Variants in DACH2 observed in about 807,000 individuals in gnomAD.
DACH2 encodes dachshund homolog 2.
A neutral mutation model predicts 35.8 loss-of-function variants in DACH2; 17 were observed. The ratio of observed to expected loss-of-function variants is 0.48; its 90% CI spans 0.33 to 0.71. The LOEUF (loss-of-function observed/expected upper bound fraction) is 0.71, where lower values mean the gene tolerates loss of function less well. DACH2 is among the 30% of genes least tolerant of loss of function. DACH2 has a pLI of 0.02. For missense variants in DACH2, 469 were observed against 472.7 expected (o/e 0.99, Z 0.07); for synonymous variants, 195 against 177.3 (o/e 1.10, Z -0.79).
At chrX:86,433,797 G>T (rs191368143) in intron 2 of DACH2, among the ~76,000 whole-genome samples, 102 of 111,770 alleles carry the variant, frequency 9.1e-4, no homozygotes, top group African/African-American at 3.2e-3. Context: ...CATGTTGGCA[G>T]ATTATCAGGT....
intron 3 of DACH2, among the ~76,000 whole-genome samples, chrX:86,643,465 G>A (rs147577736): frequency 1.8e-5 from 2 of 108,915 alleles, no homozygotes; most frequent in African/African-American, 6.9e-5. Flanking sequence ...AATTGAATCA[G>A]TAATAAGCCT....
At chrX:86,416,453 C>T (rs938015694) in intron 2 of DACH2, among the ~76,000 whole-genome samples, 33 of 111,889 alleles carry the variant, frequency 2.9e-4, no homozygotes, top group African/African-American at 1.0e-3. Context: ...TGTGGGCACA[C>T]ACATTTATTA....
intron 11 of DACH2, among the ~76,000 whole-genome samples, chrX:86,825,364 C>G (rs1370993227): frequency 9.1e-6 from 1 of 110,278 alleles, no homozygotes; most frequent in Non-Finnish European, 1.9e-5. Flanking sequence ...CTGCAGTGAG[C>G]TGAGATCACA....
chrX:86,420,199 G>A (rs1465068032), intron 2 of DACH2, among the ~76,000 whole-genome samples: 5 of 111,934 alleles, frequency 4.5e-5, no homozygotes, highest in African/African-American at 1.6e-4. Context: ...GGGAAGGCAT[G>A]CTGGTGAAGG....
intron 1 of DACH2, among the ~76,000 whole-genome samples, chrX:86,365,367 T>C (rs1049964667): frequency 1.8e-5 from 2 of 110,001 alleles, no homozygotes; most frequent in African/African-American, 6.6e-5. Flanking sequence ...TGGTACACTT[T>C]TGAGACAACA....
At chrX:86,794,050 A>G (rs1176451313) in intron 7 of DACH2, among the ~76,000 whole-genome samples, 1 of 111,961 alleles carries the variant, frequency 8.9e-6, no homozygotes, top group Non-Finnish European at 1.9e-5. Context: ...AACAGGTGCT[A>G]TGGGAAGCCA....
rs1476452484 is a variant in DACH2, at chrX:86,682,400, T to G, written c.773-12621T>G. 8.1e-5 allele frequency among the ~76,000 whole-genome samples: 9 copies of G among 111,784 alleles called. No individual in the cohort carries two copies. The East Asian group carries it at 2.5e-3, about 31-fold the overall frequency. ...CGTGGGAAAATCAGTCTTTTGAGTT[T>G]CAGTTTTCTCTATAAAATGTGGCTG... On this transcript the variant is annotated intron_variant, in intron 4 of 11. Coordinates refer to ENST00000373125, the MANE Select transcript of DACH2 (RefSeq NM_053281.3).
At chrX:86,674,288 G>A (rs1017370263) in intron 4 of DACH2, among the ~76,000 whole-genome samples, 7 of 112,362 alleles carry the variant, frequency 6.2e-5, no homozygotes, top group East Asian at 2.8e-4. Flanking sequence ...ATTTGCCACC[G>A]TCTAGCCACA....
intron 3 of DACH2, among the ~76,000 whole-genome samples, chrX:86,629,862 G>A (rs1470247016): frequency 4.5e-5 from 5 of 111,127 alleles, no homozygotes; most frequent in Non-Finnish European, 7.5e-5. Flanking sequence ...GCAACAGAGC[G>A]AGACCCTGTC....
chrX:86,573,336 T>C (rs918099556), intron 3 of DACH2, among the ~76,000 whole-genome samples: 3 of 111,236 alleles, frequency 2.7e-5, no homozygotes, highest in Non-Finnish European at 5.7e-5. Context: ...GACCTGGATC[T>C]GACTCACTTC....
At chrX:86,492,731 C>T (rs371992703) in intron 2 of DACH2, among the ~76,000 whole-genome samples, 2 of 111,771 alleles carry the variant, frequency 1.8e-5, no homozygotes, top group East Asian at 5.6e-4. Flanking sequence ...TGTGTTAATT[C>T]ACTTAGGACA....
chrX:86,531,159 C>T (rs62594990), intron 3 of DACH2, among the ~76,000 whole-genome samples: 5,590 of 111,548 alleles, frequency 0.05, 120 homozygotes, highest in Middle Eastern at 0.11. Flanking sequence ...TGATTAAAAG[C>T]GAAGTAGAGC....
intron 3 of DACH2, among the ~76,000 whole-genome samples, chrX:86,537,441 C>A (rs760389465): frequency 4.5e-5 from 5 of 111,340 alleles, no homozygotes; most frequent in Non-Finnish European, 7.5e-5. Context: ...TGGCTTTGTT[C>A]TATTTATACT....
intron 11 of DACH2, among the ~76,000 whole-genome samples, chrX:86,821,495 T>C (rs1362012172): frequency 9.0e-6 from 1 of 111,385 alleles, no homozygotes; most frequent in Non-Finnish European, 1.9e-5. Flanking sequence ...CTGTACAGTT[T>C]ATTAAATGGC....
At position 86,821,433 on chromosome X, in the gene DACH2, C is replaced by T. The variant is rs150241716; in HGVS notation, c.1750+5334C>T. 4.7e-4 allele frequency among the ~76,000 whole-genome samples: 52 copies of T among 111,188 alleles called. 1 individual carries two copies. In the East Asian group the frequency reaches 0.014, roughly 30 times the overall value. On this transcript the variant is annotated intron_variant, in intron 11 of 11. Transcript: ENST00000373125. The stretch of plus-strand genomic sequence containing the variant: ...TACAATGGGAAAAGACTCTAGCACA[C>T]AACCCACAGAGAAGATCCCAGCATC...
chrX:86,240,320 A>G (rs1602314403), intron 1 of DACH2, among the ~76,000 whole-genome samples: 1 of 110,991 alleles, frequency 9.0e-6, no homozygotes, highest in East Asian at 2.8e-4. Flanking sequence ...TTGAAAGCCT[A>G]AGAAACGTTT....
chrX:86,220,165 C>CCA (rs2032674384), intron 1 of DACH2, among the ~76,000 whole-genome samples: 1 of 50,083 alleles, frequency 2.0e-5, no homozygotes, highest in Non-Finnish European at 3.5e-5. Context: ...GACTCCATCT[C>CCA]AAAAAAAAAA....
At chrX:86,534,556 C>T (rs1400227391) in intron 3 of DACH2, among the ~76,000 whole-genome samples, 6 of 111,799 alleles carry the variant, frequency 5.4e-5, no homozygotes, top group African/African-American at 1.6e-4. Flanking sequence ...CTGGTCAGAC[C>T]GTATTTGGCT....
intron 2 of DACH2, among the ~76,000 whole-genome samples, chrX:86,502,501 T>C (rs900967369): frequency 2.7e-5 from 3 of 112,483 alleles, no homozygotes; most frequent in African/African-American, 9.7e-5. Flanking sequence ...TTTTTTCTAC[T>C]GAAGACTGGC....
Sources: gnomAD v4.1 joint callset for allele counts (sites outside exome capture counted in the v4.1 genomes callset) on GRCh38, gnomAD v4.1.1 for gene constraint, MANE v1.5 for transcripts, NCBI Gene and HGNC (gene_info 2026-07-23, HGNC 2026-07-21) for gene names.